Variants in KNDC1 observed in about 807,000 individuals in gnomAD.
KNDC1 encodes kinase non-catalytic C-lobe domain-containing protein 1.
KNDC1 carries 106 observed loss-of-function variants against 172.8 expected under a neutral mutation model. That is an observed-to-expected ratio of 0.61 (90% CI 0.52 to 0.72). The LOEUF (loss-of-function observed/expected upper bound fraction) is 0.72. KNDC1 is among the 30% of genes least tolerant of loss of function. The pLI, the probability that KNDC1 is intolerant of heterozygous loss-of-function variation, is 0.00. For synonymous variants in KNDC1, 1,083 were observed against 1,062.2 expected (o/e 1.02, Z -0.38); for missense variants, 2,325 against 2,394.5 (o/e 0.97, Z 0.61).
chr10:133,210,584 C>T (rs767673472), intron 20 of KNDC1, 27 bp from the exon 21 acceptor site: 1 of 1,482,164 alleles, frequency 6.7e-7, no homozygotes, highest in Non-Finnish European at 9.4e-7. Flanking sequence ...ACCCCACCAC[C>T]TCACCGCCGC....
At chr10:133,161,903 C>A (rs1852984775) in intron 1 of KNDC1, among the ~76,000 whole-genome samples, 1 of 152,200 alleles carries the variant, frequency 6.6e-6, no homozygotes, top group Non-Finnish European at 1.5e-5. Context: ...GCAGCCGGTG[C>A]CACGCACACA....
At position 133,199,210 on chromosome 10, in the gene KNDC1, A is replaced by G. The variant is rs1261627929; in HGVS notation, c.2702A>G (p.Gln901Arg). The G allele has an allele frequency of 1.9e-6, 3 of 1,580,070 alleles. No homozygotes were observed. In the East Asian group the frequency reaches 6.9e-5, roughly 37 times the overall value. ...CTGCAGGAGGCCACGCGCCTCATCC[A>G]GGAGGAATTTGCCTTCGATGGCTAC... is the stretch of plus-strand genomic sequence containing the variant. ...PSLQEATRLI[Q>R]EEFAFDGYLD... Residue 901 changes from glutamine to arginine, a missense_variant, in exon 14 of 30, where the codon CAG (glutamine) becomes CGG (arginine). Physicochemically the swap from Gln to Arg is conservative, Grantham distance 43. Coordinates refer to ENST00000304613, the MANE Select transcript of KNDC1 (RefSeq NM_152643.8).
At chr10:133,204,095 G>A (rs1363564371) in intron 17 of KNDC1, among the ~76,000 whole-genome samples, 1 of 152,284 alleles carries the variant, frequency 6.6e-6, no homozygotes, top group East Asian at 1.9e-4. Flanking sequence ...GGTGACCTCC[G>A]GGGGCCGGAC....
intron 10 of KNDC1, among the ~76,000 whole-genome samples, chr10:133,196,122 G>A (rs1188744600): frequency 1.3e-5 from 2 of 152,220 alleles, no homozygotes; most frequent in Admixed American, 6.5e-5. Context: ...GCCAGGGCGG[G>A]GGCAAGGGGT....
rs1267393313 is a variant in KNDC1 at position 133,198,996 on chromosome 10, A to G, written c.2488A>G (p.Lys830Glu). Residue 830 changes from lysine to glutamate, a missense_variant, in exon 14 of 30, where the codon AAG (lysine) becomes GAG (glutamate). By Grantham distance (56) the Lys-to-Glu change is moderately conservative. Coordinates refer to ENST00000304613, the MANE Select transcript of KNDC1 (RefSeq NM_152643.8). ...CCACCACGGCCCACGCCACCCGCCC[A>G]AGCCCCCACGAAGCAAGGCCACCGA... Reference protein sequence around the residue: ...TAHHGPRHPPKPPRSKATERP... With the variant: ...TAHHGPRHPPEPPRSKATERP... The G allele has an allele frequency of 1.9e-6, 3 of 1,554,102 alleles. No homozygotes were observed. The highest frequency in any genetic ancestry group is 2.7e-5 in the African/African-American group (2 of 72,794).
intron 1 of KNDC1, 186 bp from the exon 2 acceptor site, chr10:133,167,195 C>T: frequency 1.6e-6 from 1 of 622,800 alleles, no homozygotes; most frequent in Non-Finnish European, 2.8e-6. Context: ...TTCCGTGGCT[C>T]TGACGTCCAG....
intron 3 of KNDC1, among the ~76,000 whole-genome samples, chr10:133,183,134 G>A (rs1483918898): frequency 6.7e-6 from 1 of 148,920 alleles, no homozygotes; most frequent in African/African-American, 2.5e-5. Flanking sequence ...GGGCGGTATG[G>A]GTGTGAGCAG....
intron 3 of KNDC1, among the ~76,000 whole-genome samples, chr10:133,168,917 G>A (rs567518057): frequency 2.0e-5 from 3 of 152,214 alleles, no homozygotes; most frequent in Non-Finnish European, 4.4e-5. Flanking sequence ...GCAGCCCAGC[G>A]CCTTGAGGTC....
intron 20 of KNDC1, among the ~76,000 whole-genome samples, chr10:133,208,352 G>GC (rs1375590852): frequency 5.5e-5 from 1 of 18,152 alleles, no homozygotes; most frequent in Non-Finnish European, 1.1e-4. Flanking sequence ...GAGGGACGTG[G>GC]CCCCCCCAAC....
chr10:133,165,194 G>A (rs1054737755), intron 1 of KNDC1, among the ~76,000 whole-genome samples: 1 of 152,162 alleles, frequency 6.6e-6, no homozygotes, highest in Admixed American at 6.5e-5. Context: ...GGAATTCACC[G>A]CTAAAGTCAT....
At chr10:133,183,291 C>A in intron 3 of KNDC1, 53 bp from the exon 4 acceptor site, 1 of 1,506,272 alleles carries the variant, frequency 6.6e-7, no homozygotes, top group South Asian at 1.3e-5. Flanking sequence ...TGGCCGCGGT[C>A]GGGGTGGCGC....
At chr10:133,171,263 T>C (rs1292017387) in intron 3 of KNDC1, among the ~76,000 whole-genome samples, 1 of 152,196 alleles carries the variant, frequency 6.6e-6, no homozygotes, top group Non-Finnish European at 1.5e-5. Flanking sequence ...AAATTCATTG[T>C]CCTCTTTTTG....
At chr10:133,206,132 A>G (rs1037660357) in intron 17 of KNDC1, among the ~76,000 whole-genome samples, 1 of 152,196 alleles carries the variant, frequency 6.6e-6, no homozygotes, top group Non-Finnish European at 1.5e-5. Context: ...CCTGGGAGGC[A>G]GAGGTTGTGG....
intron 3 of KNDC1, among the ~76,000 whole-genome samples, chr10:133,177,497 TGTC>T (rs937812117): frequency 5.3e-5 from 8 of 151,832 alleles, no homozygotes; most frequent in African/African-American, 1.9e-4. Context: ...GTATGGTGTG[TGTC>T]ATGGTCATGT....
At chr10:133,170,377 TCTGGGGTCTGGC>T (rs1448344054) in intron 3 of KNDC1, among the ~76,000 whole-genome samples, 6 of 151,374 alleles carry the variant, frequency 4.0e-5, no homozygotes, top group South Asian at 4.2e-4. Flanking sequence ...TGGCCTGGGG[TCTGGGGTCTGGC>T]CTGGGGTCTG....
At chr10:133,170,947 C>T (rs530181272) in intron 3 of KNDC1, among the ~76,000 whole-genome samples, 3 of 152,220 alleles carry the variant, frequency 2.0e-5, no homozygotes, top group African/African-American at 7.2e-5. Flanking sequence ...AAGAGTTTAA[C>T]CTCTTGAGCC....
At chr10:133,168,227 T>G (rs1853243439) in intron 2 of KNDC1, 27 bp from the exon 3 acceptor site, 2 of 1,608,098 alleles carry the variant, frequency 1.2e-6, no homozygotes, top group East Asian at 4.5e-5. Context: ...CCAGAAGCCT[T>G]CTCTCCTTCT....
chr10:133,207,980 C>T (rs1229488632), intron 20 of KNDC1, among the ~76,000 whole-genome samples: 1 of 152,166 alleles, frequency 6.6e-6, no homozygotes, highest in East Asian at 1.9e-4. Context: ...GCACTGGGAG[C>T]TGCAGCAGGC....
chr10:133,219,189 C>A, intron 28 of KNDC1, 99 bp downstream of exon 28: 1 of 1,427,790 alleles, frequency 7.0e-7, no homozygotes, highest in Non-Finnish European at 9.6e-7. Context: ...GCAGGCACCA[C>A]AGAGTGTGTG....
Sources: allele counts gnomAD v4.1 joint callset (sites outside exome capture counted in the v4.1 genomes callset), GRCh38; gene constraint gnomAD v4.1.1; transcripts MANE v1.5; gene names NCBI Gene and HGNC (gene_info 2026-07-23, HGNC 2026-07-21).